Variants in CDH18 observed in about 807,000 individuals in gnomAD.
CDH18 encodes the protein cadherin-18.
In CDH18, 31 loss-of-function variants were observed where a neutral mutation model predicts 67.9. That is an observed-to-expected ratio of 0.46 (90% CI 0.34 to 0.62). CDH18 has a LOEUF of 0.62. Among genes scored for constraint, CDH18 ranks in the 20% least tolerant of loss-of-function variants. The pLI is 0.01. For synonymous variants in CDH18, 362 were observed against 347.2 expected (o/e 1.04, Z -0.48); for missense variants, 890 against 975.5 (o/e 0.91, Z 1.17).
chr5:20,501,526 T>TTTG (rs1554010453), intron 1 of CDH18, among the ~76,000 whole-genome samples: 1 of 64,966 alleles, frequency 1.5e-5, no homozygotes, highest in Non-Finnish European at 3.1e-5. Context: ...TATATACATA[T>TTTG]TATATATATT....
intron 1 of CDH18, among the ~76,000 whole-genome samples, chr5:20,476,760 T>C (rs1372272665): frequency 6.6e-6 from 1 of 152,188 alleles, no homozygotes; most frequent in Non-Finnish European, 1.5e-5. Context: ...CTTGAGAGTT[T>C]TTCTTTTGTA....
intron 1 of CDH18, among the ~76,000 whole-genome samples, chr5:20,499,757 GTAAA>G (rs1754135357): frequency 6.6e-6 from 1 of 152,152 alleles, no homozygotes; most frequent in African/African-American, 2.4e-5. Context: ...ACATGAATGG[GTAAA>G]TAGTTATCTT....
intron 8 of CDH18, among the ~76,000 whole-genome samples, chr5:19,548,061 T>G (rs1291088869): frequency 6.6e-6 from 1 of 152,156 alleles, no homozygotes; most frequent in Non-Finnish European, 1.5e-5. Context: ...TAAAAAGAGA[T>G]GAGGCTATTC....
At chr5:20,303,940 T>C in intron 1 of CDH18, 1 of 680,904 alleles carries the variant, frequency 1.5e-6, no homozygotes, top group South Asian at 1.9e-5. Context: ...AGTTTTAAGT[T>C]ATCTGTAAGT....
At chr5:20,345,283 T>TA (rs1740610572) in intron 1 of CDH18, among the ~76,000 whole-genome samples, 1 of 152,120 alleles carries the variant, frequency 6.6e-6, no homozygotes, top group East Asian at 1.9e-4. Flanking sequence ...TACTATTTTT[T>TA]ATAACTGCTG....
intron 1 of CDH18, among the ~76,000 whole-genome samples, chr5:20,334,746 T>TCACA (rs1311847674): frequency 3.1e-5 from 4 of 130,970 alleles, no homozygotes; most frequent in Non-Finnish European, 4.6e-5. Context: ...TCTCTCTCTC[T>TCACA]CTCTCATACA....
chr5:20,506,674 A>C lies in CDH18; in HGVS notation c.-580+68788T>G, dbSNP rs553327337. On this transcript the variant is annotated intron_variant, in intron 1 of 14. Coordinates refer to the CDH18 transcript ENST00000507958. ...ACACCCAGACTCCTGACCCACAGGAACTGTGAGCTACTAAATGTGTAGTAT... is the reference window on the plus strand; with the variant it reads ...ACACCCAGACTCCTGACCCACAGGACCTGTGAGCTACTAAATGTGTAGTAT... Among the ~76,000 whole-genome samples the C allele has an allele frequency of 2.0e-5, 3 of 152,366 alleles. No homozygotes were observed. The South Asian group carries it at 6.2e-4, about 32-fold the overall frequency.
At chr5:19,654,814 A>G (rs1444799086) in intron 5 of CDH18, among the ~76,000 whole-genome samples, 1 of 152,118 alleles carries the variant, frequency 6.6e-6, no homozygotes, top group Non-Finnish European at 1.5e-5. Flanking sequence ...GCTGGAAAGG[A>G]GATGGACTAG....
intron 2 of CDH18, among the ~76,000 whole-genome samples, chr5:20,175,132 A>C (rs1027859): frequency 6.6e-6 from 1 of 152,056 alleles, no homozygotes; most frequent in African/African-American, 2.4e-5. Context: ...TAGGGGAGGA[A>C]GTGTAATGCC....
intron 2 of CDH18, among the ~76,000 whole-genome samples, chr5:20,144,042 A>G (rs1471767560): frequency 6.6e-6 from 1 of 152,196 alleles, no homozygotes; most frequent in Non-Finnish European, 1.5e-5. Context: ...CTGAAACAGC[A>G]GAAACGCTGC....
intron 5 of CDH18, among the ~76,000 whole-genome samples, chr5:19,670,177 T>C (rs1389547992): frequency 1.3e-5 from 2 of 152,246 alleles, no homozygotes; most frequent in East Asian, 3.9e-4. Context: ...ATAAGGCTTA[T>C]ATTGGTAACT....
chr5:19,569,265 A>G (rs1740954040), intron 8 of CDH18, among the ~76,000 whole-genome samples: 1 of 152,144 alleles, frequency 6.6e-6, no homozygotes, highest in Non-Finnish European at 1.5e-5. Flanking sequence ...CCTCATGTAC[A>G]GCAAACTACA....
At chr5:19,745,697 C>T (rs1324832654) in intron 4 of CDH18, among the ~76,000 whole-genome samples, 2 of 152,140 alleles carry the variant, frequency 1.3e-5, no homozygotes, top group Admixed American at 6.5e-5. Flanking sequence ...TAGGCTCCTG[C>T]AGGCTGGTTC....
intron 3 of CDH18, among the ~76,000 whole-genome samples, chr5:19,782,323 G>A (rs918243494): frequency 8.6e-5 from 13 of 152,030 alleles, no homozygotes; most frequent in Non-Finnish European, 1.3e-4. Flanking sequence ...AGGGGAGCAT[G>A]GGAGAAAACA....
intron 5 of CDH18, among the ~76,000 whole-genome samples, chr5:19,696,227 G>A (rs916730073): frequency 8.5e-4 from 14 of 16,548 alleles, no homozygotes; most frequent in Non-Finnish European, 1.9e-3. Context: ...CCAAATATAT[G>A]TGTGTGTGTG....
At chr5:20,078,475 A>G (rs1394417587) in intron 2 of CDH18, among the ~76,000 whole-genome samples, 1 of 152,136 alleles carries the variant, frequency 6.6e-6, no homozygotes, top group Non-Finnish European at 1.5e-5. Flanking sequence ...AACAAAAAAC[A>G]AAAAACAAAA....
chr5:19,742,502 T>C (rs1769347106), intron 4 of CDH18, among the ~76,000 whole-genome samples: 1 of 152,086 alleles, frequency 6.6e-6, no homozygotes, highest in African/African-American at 2.4e-5. Context: ...TTATTTTACC[T>C]TTTCTAACAG....
chr5:20,244,567 T>C (rs1580568885), intron 2 of CDH18, among the ~76,000 whole-genome samples: 1 of 152,144 alleles, frequency 6.6e-6, no homozygotes, highest in Non-Finnish European at 1.5e-5. Flanking sequence ...CTTATTGGTT[T>C]GTTTTTAAAA....
At chr5:19,910,175 G>A (rs1175896460) in intron 2 of CDH18, among the ~76,000 whole-genome samples, 1 of 152,134 alleles carries the variant, frequency 6.6e-6, no homozygotes, top group East Asian at 1.9e-4. Flanking sequence ...TGTGGAAAGA[G>A]CTATTTGCAA....
Sources: allele counts gnomAD v4.1 joint callset (sites outside exome capture counted in the v4.1 genomes callset), GRCh38; gene constraint gnomAD v4.1.1; transcripts MANE v1.5; gene names NCBI Gene and HGNC (gene_info 2026-07-23, HGNC 2026-07-21).